PIK3R3: variants seen among roughly 807,000 people sequenced by gnomAD.
PIK3R3 encodes phosphoinositide-3-kinase regulatory subunit 3.
A neutral mutation model predicts 62.9 loss-of-function variants in PIK3R3; 64 were observed. That is an observed-to-expected ratio of 1.02 (90% confidence interval 0.83 to 1.25). The LOEUF is 1.25. Ranked by LOEUF, PIK3R3 falls within the 50% of genes most tolerant of loss-of-function variation. The pLI, the probability that PIK3R3 is intolerant of heterozygous loss-of-function variation, is 0.00. For synonymous variants in PIK3R3, 165 were observed against 189.0 expected (o/e 0.87, Z 1.04); for missense variants, 614 against 561.6 (o/e 1.09, Z -0.94).
chr1:46,088,864 A>G, intron 1 of PIK3R3, among the ~76,000 whole-genome samples: 1 of 151,684 alleles, frequency 6.6e-6, no homozygotes, highest in Admixed American at 6.6e-5. Context: ...AAGGTCCTAA[A>G]ATCTATCACA....
At chr1:46,132,815 C>A, upstream of PIK3R3, 1 of 1,225,992 alleles carries the variant, frequency 8.2e-7, no homozygotes, top group East Asian at 5.9e-5. Context: ...AGAACATGTT[C>A]AAAAAGCTGC....
the PIK3R3 span, among the ~76,000 whole-genome samples, chr1:46,146,843 C>T: frequency 6.6e-6 from 1 of 152,060 alleles, no homozygotes; most frequent in Non-Finnish European, 1.5e-5. Context: ...CAGTCAAATG[C>T]CACCATAAGC....
At chr1:46,067,277 T>TATATATATATAA (rs368368491) in intron 3 of PIK3R3, among the ~76,000 whole-genome samples, 186 bp from the exon 4 acceptor site, 13 of 147,332 alleles carry the variant, frequency 8.8e-5, no homozygotes, top group African/African-American at 2.2e-4. Flanking sequence ...TATATATATA[T>TATATATATATAA]AATTCATTTT....
chr1:46,041,829 A>T lies in PIK3R3; in HGVS notation c.*1844T>A, dbSNP rs768522132. ...TGAAACTGCAGTGTAACCAAGAAAA[A>T]GCCAAAGAGAAGCACTTCCCTTTCT... is the stretch of plus-strand genomic sequence containing the variant. On this transcript the variant is annotated 3_prime_UTR_variant, in exon 10 of 10. Transcript: ENST00000262741. 5.7e-5 allele frequency: 12 copies of T among 212,142 alleles called. No individual in the cohort carries two copies. Among genetic ancestry groups the T allele is most frequent in the Non-Finnish European group, 6.7e-5 (7 of 104,680 alleles). The allele number at this position is 212,142 out of a possible 1,614,324, so 13.1% of individuals were successfully genotyped here. A position where few individuals can be genotyped will look rare whatever the true frequency, so the allele number is the denominator to read the frequency against.
At chr1:46,094,730 AC>A (rs1651956454) in intron 1 of PIK3R3, among the ~76,000 whole-genome samples, 2 of 152,190 alleles carry the variant, frequency 1.3e-5, no homozygotes. Flanking sequence ...AGTAACACTA[AC>A]CCCTTCCTAT....
At chr1:46,125,800 G>A (rs142050537) in intron 1 of PIK3R3, among the ~76,000 whole-genome samples, 304 of 147,634 alleles carry the variant, frequency 2.1e-3, no homozygotes, top group African/African-American at 7.3e-3. Context: ...TTACTCTGTT[G>A]CCCAGGCTGG....
chr1:46,112,689 C>A (rs533832031), intron 1 of PIK3R3, among the ~76,000 whole-genome samples: 1 of 152,230 alleles, frequency 6.6e-6, no homozygotes, highest in African/African-American at 2.4e-5. Context: ...TCTCCCCCAC[C>A]CTACGAACTC....
intron 1 of PIK3R3, among the ~76,000 whole-genome samples, chr1:46,118,975 C>T (rs540050335): frequency 6.6e-6 from 1 of 152,112 alleles, no homozygotes; most frequent in South Asian, 2.1e-4. Context: ...ATATCCTCTA[C>T]CTGGAACCCC....
chr1:46,124,455 A>C (rs1654920153), intron 1 of PIK3R3, among the ~76,000 whole-genome samples: 1 of 152,250 alleles, frequency 6.6e-6, no homozygotes, highest in African/African-American at 2.4e-5. Flanking sequence ...TAAATATGGC[A>C]ATCATAAACA....
chr1:46,140,244 G>C, the PIK3R3 span, among the ~76,000 whole-genome samples: 1 of 152,018 alleles, frequency 6.6e-6, no homozygotes, highest in African/African-American at 2.4e-5. Context: ...TCCTCCTGCC[G>C]CAGCCTCCCA....
chr1:46,165,047 G>A, the PIK3R3 span, among the ~76,000 whole-genome samples: 2 of 151,806 alleles, frequency 1.3e-5, no homozygotes, highest in Non-Finnish European at 2.9e-5. Context: ...TTGCCCAGAC[G>A]GGTCTCAAGC....
chr1:46,118,301 A>G (rs759519028), intron 1 of PIK3R3, among the ~76,000 whole-genome samples: 4 of 117,710 alleles, frequency 3.4e-5, no homozygotes, highest in Non-Finnish European at 5.3e-5. Context: ...CACAGCTTCT[A>G]CCCTTGTCCA....
intron 1 of PIK3R3, among the ~76,000 whole-genome samples, chr1:46,081,638 A>G (rs1340040653): frequency 6.6e-6 from 1 of 152,144 alleles, no homozygotes; most frequent in Non-Finnish European, 1.5e-5. Flanking sequence ...TGGTGCCAGA[A>G]AGGTTGGGGA....
chr1:46,134,283 A>G (rs1424156668), upstream of PIK3R3, among the ~76,000 whole-genome samples: 1 of 152,130 alleles, frequency 6.6e-6, no homozygotes, highest in East Asian at 1.9e-4. Context: ...TCTACCTCCT[A>G]AGGTGGTTCT....
intron 1 of PIK3R3, among the ~76,000 whole-genome samples, chr1:46,089,784 A>G (rs1025709161): frequency 1.3e-5 from 2 of 152,130 alleles, no homozygotes; most frequent in Admixed American, 6.5e-5. Context: ...CTGTACAGTA[A>G]TAATAGTGTA....
At chr1:46,100,621 C>T (rs1652571077) in intron 1 of PIK3R3, among the ~76,000 whole-genome samples, 1 of 152,104 alleles carries the variant, frequency 6.6e-6, no homozygotes, top group African/African-American at 2.4e-5. Context: ...CATTTTAGAG[C>T]TTGTCAAGTT....
intron 3 of PIK3R3, among the ~76,000 whole-genome samples, chr1:46,068,234 C>T (rs1649182579): frequency 6.6e-6 from 1 of 152,132 alleles, no homozygotes; most frequent in Non-Finnish European, 1.5e-5. Flanking sequence ...TAAATGTGTA[C>T]ACTCACACAT....
chr1:46,093,809 A>G (rs1651861953), intron 1 of PIK3R3, among the ~76,000 whole-genome samples: 1 of 151,066 alleles, frequency 6.6e-6, no homozygotes, highest in East Asian at 1.9e-4. Context: ...GAGCCAAGAT[A>G]ATGCCACTGC....
chr1:46,118,575 A>C (rs1169761634), intron 1 of PIK3R3, among the ~76,000 whole-genome samples: 3 of 107,394 alleles, frequency 2.8e-5, no homozygotes, highest in Non-Finnish European at 5.4e-5. Context: ...TTTTTTTTTG[A>C]GATGGAGTCT....
Sources: gnomAD v4.1 joint callset for allele counts (sites outside exome capture counted in the v4.1 genomes callset) on GRCh38, gnomAD v4.1.1 for gene constraint, MANE v1.5 for transcripts, NCBI Gene and HGNC (gene_info 2026-07-23, HGNC 2026-07-21) for gene names.